INSL6: variants seen among roughly 807,000 people sequenced by gnomAD.
INSL6 encodes insulin like 6, also known as insulin-like peptide INSL6.
INSL6 carries 16 observed loss-of-function variants against 9.4 expected under a neutral mutation model. The ratio of observed to expected loss-of-function variants is 1.70; its 90% confidence interval spans 1.15 to 2.59. INSL6 has a LOEUF of 2.59. INSL6 is among the 30% of genes most tolerant of loss of function. INSL6 has a pLI of 0.00. For missense variants in INSL6, 391 were observed against 257.3 expected, an observed-to-expected ratio of 1.52 and a Z score of -3.56; for synonymous variants, 154 against 96.9, an observed-to-expected ratio of 1.59 and a Z score of -3.46.
At chr9:5,066,659 G>A in the INSL6 span, 12 of 1,340,194 alleles carry the variant, frequency 9.0e-6, no homozygotes, top group Non-Finnish European at 1.3e-5. Context: ...TATTCAAATT[G>A]CTTCTTCTTT....
intron 2 of INSL6, among the ~76,000 whole-genome samples, chr9:5,135,071 G>T (rs1291967475): frequency 6.6e-6 from 1 of 152,020 alleles, no homozygotes; most frequent in Non-Finnish European, 1.5e-5. Flanking sequence ...AACCAACGAA[G>T]ATCAAGAGAC....
chr9:5,071,751 A>G, the INSL6 span, among the ~76,000 whole-genome samples: 1 of 152,336 alleles, frequency 6.6e-6, no homozygotes, highest in East Asian at 1.9e-4. Flanking sequence ...AAAGACAAGC[A>G]TCTTCATGTG....
chr9:5,093,128 C>G, the INSL6 span, among the ~76,000 whole-genome samples: 2 of 152,122 alleles, frequency 1.3e-5, no homozygotes, highest in Non-Finnish European at 2.9e-5. Flanking sequence ...ACCGCATAAG[C>G]TTACATAAGA....
At chr9:5,107,357 C>T in the INSL6 span, among the ~76,000 whole-genome samples, 1 of 152,104 alleles carries the variant, frequency 6.6e-6, no homozygotes, top group African/African-American at 2.4e-5. Flanking sequence ...GACCCAATAA[C>T]CTCCAACTGC....
chr9:4,996,290 T>TA, the INSL6 span, among the ~76,000 whole-genome samples: 1 of 151,992 alleles, frequency 6.6e-6, no homozygotes, highest in African/African-American at 2.4e-5. Context: ...CTCTACTAAA[T>TA]ACAAAAAAAT....
chr9:4,999,773 G>C, the INSL6 span, among the ~76,000 whole-genome samples: 3 of 152,146 alleles, frequency 2.0e-5, no homozygotes, highest in African/African-American at 7.2e-5. Flanking sequence ...TATCTTTATA[G>C]TATTCTGTTG....
intron 1 of INSL6, among the ~76,000 whole-genome samples, chr9:5,171,764 A>C (rs1825187043): frequency 1.3e-5 from 2 of 152,168 alleles, no homozygotes. Flanking sequence ...GAATATACCT[A>C]TGAATACAGT....
the INSL6 span, among the ~76,000 whole-genome samples, chr9:4,996,708 C>T: frequency 6.6e-6 from 1 of 151,834 alleles, no homozygotes; most frequent in African/African-American, 2.4e-5. Flanking sequence ...ACCCCTACCC[C>T]TCCCTGCCAC....
chr9:5,024,383 C>CA, the INSL6 span, among the ~76,000 whole-genome samples: 4 of 151,796 alleles, frequency 2.6e-5, no homozygotes, highest in African/African-American at 9.7e-5. Flanking sequence ...TAGAAAAGAA[C>CA]AAAAAACTCT....
the INSL6 span, among the ~76,000 whole-genome samples, chr9:5,006,122 A>G: frequency 6.6e-6 from 1 of 152,192 alleles, no homozygotes; most frequent in South Asian, 2.1e-4. Flanking sequence ...CTTCCTACCC[A>G]TGAGCATGGA....
chr9:5,160,541 C>A (rs1824904341), downstream of INSL6, among the ~76,000 whole-genome samples: 1 of 151,922 alleles, frequency 6.6e-6, no homozygotes, highest in African/African-American at 2.4e-5. Context: ...CCTTAAAGAA[C>A]TAGAAAAGCA....
chr9:5,062,191 A>G, the INSL6 span, among the ~76,000 whole-genome samples: 1 of 152,030 alleles, frequency 6.6e-6, no homozygotes, highest in Non-Finnish European at 1.5e-5. Flanking sequence ...AAACCTGCAT[A>G]TGTGTAGGGC....
the INSL6 span, among the ~76,000 whole-genome samples, chr9:5,101,820 G>A: frequency 6.6e-6 from 1 of 152,266 alleles, no homozygotes; most frequent in East Asian, 1.9e-4. Flanking sequence ...CTGACTGTTA[G>A]AAAGAAAACT....
chr9:5,111,662 A>C, the INSL6 span: 1 of 403,458 alleles, frequency 2.5e-6, no homozygotes, highest in South Asian at 1.9e-5. Flanking sequence ...CCTCCCGCCC[A>C]GCAGCGGCCC....
the INSL6 span, among the ~76,000 whole-genome samples, chr9:4,999,156 G>A: frequency 6.6e-6 from 1 of 152,186 alleles, no homozygotes; most frequent in Non-Finnish European, 1.5e-5. Context: ...TGCCTGTCAT[G>A]TGTGTACTTC....
chr9:5,044,399 G>A, the INSL6 span: 29 of 1,586,194 alleles, frequency 1.8e-5, no homozygotes, highest in African/African-American at 3.2e-4. Flanking sequence ...TTATTATCTT[G>A]TAGATTTTAC....
At chr9:5,018,664 G>A in the INSL6 span, among the ~76,000 whole-genome samples, 1,611 of 152,276 alleles carry the variant, frequency 0.011, 30 homozygotes, top group African/African-American at 0.038. Flanking sequence ...ACTTCCATAT[G>A]TAGAACTCCC....
chr9:5,110,624 C>G, the INSL6 span: 1 of 200,250 alleles, frequency 5.0e-6, no homozygotes, highest in African/African-American at 2.3e-5. Flanking sequence ...TCTTCACAGG[C>G]TTTTACTCTA....
the INSL6 span, among the ~76,000 whole-genome samples, chr9:5,015,843 C>G: frequency 1.3e-5 from 2 of 152,034 alleles, no homozygotes; most frequent in Admixed American, 1.3e-4. Flanking sequence ...AGTGTGATTT[C>G]CAGTTACCAT....
Sources: gnomAD v4.1 joint callset for allele counts (sites outside exome capture counted in the v4.1 genomes callset) on GRCh38, gnomAD v4.1.1 for gene constraint, MANE v1.5 for transcripts, NCBI Gene and HGNC (gene_info 2026-07-23, HGNC 2026-07-21) for gene names.